PTPRT: variants seen among roughly 807,000 people sequenced by gnomAD.
PTPRT encodes protein tyrosine phosphatase receptor type T, also known as receptor-type tyrosine-protein phosphatase T.
A neutral mutation model predicts 176.8 loss-of-function variants in PTPRT; 56 were observed. The observed-to-expected ratio is 0.32, with a 90% CI of 0.26 to 0.40. PTPRT has a LOEUF of 0.40. PTPRT is among the 10% of genes least tolerant of loss of function. The pLI is 1.00. For synonymous variants in PTPRT, 783 were observed against 739.0 expected (o/e 1.06, Z -0.96); for missense variants, 1,540 against 1,908.2 (o/e 0.81, Z 3.60).
chr20:42,814,131 T>C (rs1034446529), intron 2 of PTPRT, among the ~76,000 whole-genome samples: 1 of 152,110 alleles, frequency 6.6e-6, no homozygotes, highest in Non-Finnish European at 1.5e-5. Context: ...GGAAAAAGAT[T>C]TAGAAGCCTA....
intron 17 of PTPRT, among the ~76,000 whole-genome samples, chr20:42,143,683 A>T (rs1988735447): frequency 6.6e-6 from 1 of 152,098 alleles, no homozygotes; most frequent in Non-Finnish European, 1.5e-5. Flanking sequence ...AATGTTGTTG[A>T]CTTGGGTTGC....
intron 1 of PTPRT, among the ~76,000 whole-genome samples, chr20:42,917,618 A>G (rs557734957): frequency 8.5e-5 from 13 of 152,296 alleles, no homozygotes; most frequent in Non-Finnish European, 1.5e-4. Flanking sequence ...GGAAAATCTC[A>G]GGAAAATTGA....
intron 29 of PTPRT, 79 bp downstream of exon 29, chr20:42,084,603 G>T (rs917391747): frequency 8.0e-7 from 1 of 1,255,120 alleles, no homozygotes; most frequent in Non-Finnish European, 1.0e-6. Context: ...TAGGACTGGG[G>T]TATGTGGCCA....
At chr20:43,029,060 C>T (rs1568741872) in intron 1 of PTPRT, among the ~76,000 whole-genome samples, 1 of 152,194 alleles carries the variant, frequency 6.6e-6, no homozygotes, top group African/African-American at 2.4e-5. Flanking sequence ...CTCTCAGCTG[C>T]CTGCCCAGAG....
intron 21 of PTPRT, among the ~76,000 whole-genome samples, chr20:42,116,355 C>T (rs1987282803): frequency 6.6e-6 from 1 of 152,128 alleles, no homozygotes; most frequent in Admixed American, 6.5e-5. Flanking sequence ...AGACTAGCAT[C>T]CCATGGAACC....
At chr20:42,576,136 T>C (rs2145705898) in intron 7 of PTPRT, among the ~76,000 whole-genome samples, 1 of 152,294 alleles carries the variant, frequency 6.6e-6, no homozygotes, top group African/African-American at 2.4e-5. Context: ...TTGGAGCATC[T>C]GCATGAGTTC....
intron 7 of PTPRT, among the ~76,000 whole-genome samples, chr20:42,479,316 T>C (rs2071341956): frequency 6.6e-6 from 1 of 152,258 alleles, no homozygotes; most frequent in South Asian, 2.1e-4. Context: ...GGTGGATAGC[T>C]TGTATGCAAA....
At chr20:42,763,858 T>TG (rs1377775595) in intron 5 of PTPRT, among the ~76,000 whole-genome samples, 1 of 152,192 alleles carries the variant, frequency 6.6e-6, no homozygotes, top group Non-Finnish European at 1.5e-5. Flanking sequence ...TTGGGTTGAT[T>TG]TCTGGGTTTA....
At chr20:42,661,402 T>C (rs1365821261) in intron 7 of PTPRT, among the ~76,000 whole-genome samples, 1 of 152,146 alleles carries the variant, frequency 6.6e-6, no homozygotes, top group African/African-American at 2.4e-5. Flanking sequence ...AAAATATATA[T>C]TTAATTGGAA....
intron 7 of PTPRT, among the ~76,000 whole-genome samples, chr20:42,477,396 T>G (rs770324968): frequency 6.0e-5 from 9 of 149,716 alleles, no homozygotes; most frequent in Non-Finnish European, 1.1e-4. Flanking sequence ...TATATATATT[T>G]TTTTTGCATT....
intron 13 of PTPRT, among the ~76,000 whole-genome samples, chr20:42,263,074 G>A (rs1456570579): frequency 6.6e-6 from 1 of 152,162 alleles, no homozygotes; most frequent in African/African-American, 2.4e-5. Context: ...ACGGGTTACA[G>A]GATGCTGAGG....
chr20:43,099,493 T>C (rs1465273463), intron 1 of PTPRT, among the ~76,000 whole-genome samples: 2 of 152,180 alleles, frequency 1.3e-5, no homozygotes, highest in African/African-American at 4.8e-5. Flanking sequence ...AGCTTACTTC[T>C]TGCAGGTGTC....
At chr20:42,752,855 G>C (rs906198628) in intron 6 of PTPRT, among the ~76,000 whole-genome samples, 2 of 152,108 alleles carry the variant, frequency 1.3e-5, no homozygotes, top group African/African-American at 2.4e-5. Context: ...CTTCAAATGG[G>C]TCCCTGGGCA....
chr20:42,676,360 T>C (rs1369632215), intron 7 of PTPRT, among the ~76,000 whole-genome samples: 1 of 152,164 alleles, frequency 6.6e-6, no homozygotes, highest in African/African-American at 2.4e-5. Context: ...ATATGTCAAG[T>C]CATGGCAGAG....
chr20:42,092,118 T>C (rs142332204), intron 27 of PTPRT, among the ~76,000 whole-genome samples: 66 of 151,930 alleles, frequency 4.3e-4, no homozygotes, highest in Non-Finnish European at 7.8e-4. Flanking sequence ...GGAAAGGAGG[T>C]AAATGGGAAG....
At chr20:42,753,477 C>T (rs981924506) in intron 6 of PTPRT, among the ~76,000 whole-genome samples, 4 of 152,290 alleles carry the variant, frequency 2.6e-5, no homozygotes, top group South Asian at 2.1e-4. Context: ...TGAATTTCAT[C>T]GATGTGTAAT....
chr20:42,902,943 T>A (rs1248565087), intron 1 of PTPRT, among the ~76,000 whole-genome samples: 1 of 152,236 alleles, frequency 6.6e-6, no homozygotes, highest in Non-Finnish European at 1.5e-5. Context: ...ATTCTAGCTA[T>A]CAGGGATAAA....
In PTPRT at chr20:42,936,285, A is replaced by G. The variant is rs206644; in HGVS notation, c.89-50353T>C. On this transcript the variant is annotated intron_variant, in intron 1 of 30. Coordinates refer to ENST00000373187, the MANE Select transcript of PTPRT (RefSeq NM_007050.6). ...GAGAAGGTAACATTTGAGCAAAATC[A>G]TGAAACAGGTCAAGAAGCTATCACA... 3.4e-3 allele frequency among the ~76,000 whole-genome samples: 512 copies of G among 152,310 alleles called. 4 individuals are homozygous for G. The highest frequency in any genetic ancestry group is 0.011 in the African/African-American group (473 of 41,556).
At chr20:42,087,512 G>T (rs1984099487) in intron 27 of PTPRT, among the ~76,000 whole-genome samples, 1 of 150,864 alleles carries the variant, frequency 6.6e-6, no homozygotes, top group Non-Finnish European at 1.5e-5. Flanking sequence ...CTCCCAAAGT[G>T]CCGGGATTAC....
Sources: gnomAD v4.1 joint callset for allele counts (sites outside exome capture counted in the v4.1 genomes callset) on GRCh38, gnomAD v4.1.1 for gene constraint, MANE v1.5 for transcripts, NCBI Gene and HGNC (gene_info 2026-07-23, HGNC 2026-07-21) for gene names.